WWOX: variants seen among roughly 807,000 people sequenced by gnomAD.
WWOX encodes the protein WW domain containing oxidoreductase.
A neutral mutation model predicts 46.2 loss-of-function variants in WWOX; 69 were observed. The observed-to-expected ratio is 1.49, with a 90% confidence interval of 1.23 to 1.82. The LOEUF is 1.82. Ranked by LOEUF, WWOX falls within the 40% of genes most tolerant of loss-of-function variation. The pLI is 0.00. For missense variants in WWOX, 919 were observed against 542.6 expected, an observed-to-expected ratio of 1.69 and a Z score of -6.89; for synonymous variants, 359 against 202.6, an observed-to-expected ratio of 1.77 and a Z score of -6.56.
At chr16:79,101,532 G>A (rs895008492) in intron 8 of WWOX, 1 of 152,156 alleles carries the variant, frequency 6.6e-6, no homozygotes, top group African/African-American at 2.4e-5. Context: ...ATGAGTTTAA[G>A]TGGGTCTACA....
chr16:78,666,453 C>T (rs1239290598), intron 8 of WWOX, among the ~76,000 whole-genome samples: 1 of 152,114 alleles, frequency 6.6e-6, no homozygotes, highest in African/African-American at 2.4e-5. Context: ...ATGCTTACAG[C>T]CTATTTTTAC....
rs80328802 is a variant in WWOX, at chr16:78,944,308, T to A, written c.1057-267300T>A. Reference sequence around the variant, plus strand: ...ATCTTTCAGCCTCTACCACATTGAATTGGAATTATATGTCTGTTTTATGTA... The same window carrying A: ...ATCTTTCAGCCTCTACCACATTGAAATGGAATTATATGTCTGTTTTATGTA... On this transcript the variant is annotated intron_variant, in intron 8 of 8. Coordinates refer to ENST00000566780, the MANE Select transcript of WWOX (RefSeq NM_016373.4). Among the ~76,000 whole-genome samples, 8 of 152,266 alleles carry A rather than the reference T, an allele frequency of 5.3e-5. No individual in the cohort carries two copies. In the East Asian group the frequency reaches 1.5e-3, roughly 29 times the overall value.
At position 78,230,182 on chromosome 16, in the gene WWOX, G is replaced by A. The variant is rs199807226; in HGVS notation, c.516+65893G>A. Among the ~76,000 whole-genome samples, 25 of 138,906 alleles carry A rather than the reference G, an allele frequency of 1.8e-4. No individual in the cohort carries two copies. The East Asian group carries it at 3.4e-3, about 19-fold the overall frequency. The allele number at this position is 138,906 out of a possible 152,430, so 91.1% of individuals were successfully genotyped here. ...GGCGTGAGCTACCGTGCCCGTGCCC[G>A]GCCTTACGTTTCAGCATCTTTCAAT... On this transcript the variant is annotated intron_variant, in intron 5 of 8. Coordinates refer to ENST00000566780, the MANE Select transcript of WWOX (RefSeq NM_016373.4).
intron 8 of WWOX, among the ~76,000 whole-genome samples, chr16:78,747,191 T>C (rs2049368331): frequency 1.1e-5 from 1 of 92,124 alleles, no homozygotes; most frequent in African/African-American, 7.7e-5. Context: ...TTCTTGCCCA[T>C]TTTTTTTTTT....
At chr16:78,293,368 C>T (rs1171675444) in intron 5 of WWOX, among the ~76,000 whole-genome samples, 1 of 152,178 alleles carries the variant, frequency 6.6e-6, no homozygotes, top group Non-Finnish European at 1.5e-5. Context: ...GTAACTGAGT[C>T]CAGGCATCTT....
intron 6 of WWOX, among the ~76,000 whole-genome samples, chr16:78,400,087 A>T (rs1228020259): frequency 3.3e-5 from 5 of 152,164 alleles, no homozygotes; most frequent in African/African-American, 1.2e-4. Context: ...ATTCAGAAAA[A>T]CATAAACGGG....
chr16:78,230,575 A>T (rs2037226282), intron 5 of WWOX, among the ~76,000 whole-genome samples: 1 of 152,250 alleles, frequency 6.6e-6, no homozygotes, highest in African/African-American at 2.4e-5. Context: ...TAAGTGGTTG[A>T]TAAAACTTTC....
intron 5 of WWOX, among the ~76,000 whole-genome samples, chr16:78,324,357 G>T (rs1326282954): frequency 6.6e-6 from 1 of 152,090 alleles, no homozygotes; most frequent in Non-Finnish European, 1.5e-5. Context: ...ATGTAAAATG[G>T]TACAGCTAAC....
chr16:78,940,785 T>C (rs1377090504), intron 8 of WWOX, among the ~76,000 whole-genome samples: 1 of 152,076 alleles, frequency 6.6e-6, no homozygotes, highest in Non-Finnish European at 1.5e-5. Context: ...GTTATCTTAT[T>C]GTCCTCTTAT....
intron 8 of WWOX, among the ~76,000 whole-genome samples, chr16:78,585,245 A>C (rs1021197856): frequency 1.3e-5 from 2 of 152,166 alleles, no homozygotes; most frequent in Non-Finnish European, 2.9e-5. Context: ...ACTCAGGCTG[A>C]ATGTTGATCT....
At chr16:78,278,032 T>TG (rs2079611142) in intron 5 of WWOX, among the ~76,000 whole-genome samples, 1 of 151,988 alleles carries the variant, frequency 6.6e-6, no homozygotes, top group South Asian at 2.1e-4. Context: ...ACGGTGTGAG[T>TG]GGGGGACAAA....
chr16:78,884,586 A>G (rs527523078), intron 8 of WWOX, among the ~76,000 whole-genome samples: 1 of 152,312 alleles, frequency 6.6e-6, no homozygotes, highest in Non-Finnish European at 1.5e-5. Context: ...GAAAGGAGGA[A>G]GATACAGAGG....
chr16:78,609,558 TC>T (rs554406722), intron 8 of WWOX, among the ~76,000 whole-genome samples: 1 of 152,046 alleles, frequency 6.6e-6, no homozygotes, highest in South Asian at 2.1e-4. Flanking sequence ...TTTTTCTTTT[TC>T]CCAGACTCCT....
chr16:78,697,700 A>G (rs1261383136), intron 8 of WWOX, among the ~76,000 whole-genome samples: 2 of 152,194 alleles, frequency 1.3e-5, no homozygotes, highest in Admixed American at 1.3e-4. Flanking sequence ...TGTTCTGAAC[A>G]CATTTAAGGT....
intron 1 of WWOX, among the ~76,000 whole-genome samples, chr16:78,104,230 A>AC (rs1567570884): frequency 3.1e-4 from 37 of 117,908 alleles, no homozygotes; most frequent in African/African-American, 1.1e-3. Context: ...ACTGTGCTCA[A>AC]AACACACACA....
intron 4 of WWOX, among the ~76,000 whole-genome samples, chr16:78,146,180 T>G (rs2034190907): frequency 6.6e-6 from 1 of 152,126 alleles, no homozygotes; most frequent in Non-Finnish European, 1.5e-5. Context: ...TGGGATCTTT[T>G]GGGGAGTACT....
At chr16:78,235,324 C>T (rs953664527) in intron 5 of WWOX, among the ~76,000 whole-genome samples, 1 of 152,102 alleles carries the variant, frequency 6.6e-6, no homozygotes, top group Non-Finnish European at 1.5e-5. Context: ...CTTTGCCAAT[C>T]TTGGTCCTTG....
At chr16:78,620,813 A>G (rs1048541935) in intron 8 of WWOX, among the ~76,000 whole-genome samples, 1 of 152,010 alleles carries the variant, frequency 6.6e-6, no homozygotes, top group African/African-American at 2.4e-5. Context: ...ATAAAGACAT[A>G]CTTTTGGATA....
chr16:78,479,860 A>G (rs1264877275), intron 8 of WWOX, among the ~76,000 whole-genome samples: 1 of 152,166 alleles, frequency 6.6e-6, no homozygotes, highest in Non-Finnish European at 1.5e-5. Context: ...GGCCTCCAAT[A>G]ATGTTGACCC....
Sources: allele counts gnomAD v4.1 joint callset (sites outside exome capture counted in the v4.1 genomes callset), GRCh38; gene constraint gnomAD v4.1.1; transcripts MANE v1.5; gene names NCBI Gene and HGNC (gene_info 2026-07-23, HGNC 2026-07-21).